The following SFMBT1 variants were observed in gnomAD, a reference collection of about 807,000 sequenced individuals.
The protein encoded by SFMBT1 is scm-like with four MBT domains protein 1.
Under a neutral mutation model 108.7 loss-of-function variants are expected in SFMBT1, and 32 were observed. The ratio of observed to expected loss-of-function variants is 0.29; its 90% CI spans 0.22 to 0.40. The LOEUF (loss-of-function observed/expected upper bound fraction) is 0.40, where lower values mean the gene tolerates loss of function less well. SFMBT1 is among the 10% of genes least tolerant of loss of function. The probability of loss-of-function intolerance (pLI) is 1.00; values close to 1 mark genes in which losing one functional copy is unlikely to be tolerated. For synonymous variants in SFMBT1, 348 were observed against 369.5 expected, an observed-to-expected ratio of 0.94 and a Z score of 0.67; for missense variants, 816 against 1,059.6, an observed-to-expected ratio of 0.77 and a Z score of 3.19.
chr3:52,941,624 G>C (rs1383199743), intron 4 of SFMBT1, among the ~76,000 whole-genome samples: 2 of 124,424 alleles, frequency 1.6e-5, no homozygotes, highest in African/African-American at 5.8e-5. Flanking sequence ...AAAAGTTATT[G>C]GGCCAGGTGT....
rs1212154457 is a variant in SFMBT1 at position 53,003,406 on chromosome 3, T to C, written c.-130-34148A>G. Among the ~76,000 whole-genome samples the C allele has an allele frequency of 4.0e-5, 6 of 150,064 alleles. 1 individual carries two copies. Among genetic ancestry groups the C allele is most frequent in the Non-Finnish European group, 7.5e-5 (5 of 67,020 alleles). ...ACTGAATTATTTATGAAATAATACT[T>C]GAGATTTGCTATAAAACAGTGCAAT... On this transcript the variant is annotated intron_variant, in intron 1 of 20. Transcript: ENST00000394752.
At position 53,000,080 on chromosome 3, in the gene SFMBT1, T is replaced by C. The variant is rs937772067; in HGVS notation, c.-130-30822A>G. On this transcript the variant is annotated intron_variant, in intron 1 of 20. Transcript: ENST00000394752. Reference sequence around the variant, plus strand: ...GGTTTCACCGTGTTAGCCAGGATGGTCTTGATTTCCTGACCTCGTGATCCG... The same window carrying C: ...GGTTTCACCGTGTTAGCCAGGATGGCCTTGATTTCCTGACCTCGTGATCCG... Among the ~76,000 whole-genome samples the C allele has an allele frequency of 1.1e-4, 17 of 149,988 alleles. 2 individuals carry two copies. Among genetic ancestry groups the C allele is most frequent in the Non-Finnish European group, 9.0e-5 (6 of 66,928 alleles).
intron 1 of SFMBT1, among the ~76,000 whole-genome samples, chr3:52,990,175 T>C (rs1559539904): frequency 6.6e-6 from 1 of 152,166 alleles, no homozygotes; most frequent in Non-Finnish European, 1.5e-5. Flanking sequence ...ATCATAAAGG[T>C]AAAAATAACT....
rs1031741535 is a variant in SFMBT1, at chr3:52,920,552, G to C, written c.1357C>G (p.Pro453Ala). 5 of 1,613,016 alleles carry C rather than the reference G, an allele frequency of 3.1e-6. No individual in the cohort carries two copies. The highest frequency in any genetic ancestry group is 2.5e-6 in the Non-Finnish European group (3 of 1,179,450). The change falls in exon 12 of 21, where the codon CCT (proline) becomes GCT (alanine). Residue 453 changes from proline (P) to alanine (A), a missense_variant. Around this residue, in one of 5 missense-constraint regions of SFMBT1, gnomAD observed 495 missense variants for 607.4 expected, o/e 0.81. Transcript: ENST00000394752. ...AGACAGATACCTCGTGCTCGGCGAG[G>C]AGTGCTGAGGGGGTGGCCGTTGGTT... ...CETNGHPLSTPRRARVYKQRK... is the reference protein window; with the variant it reads ...CETNGHPLSTARRARVYKQRK...
At chr3:52,910,876 A>C (rs1425242429) in intron 17 of SFMBT1, 127 bp downstream of exon 17, 1 of 717,912 alleles carries the variant, frequency 1.4e-6, no homozygotes, top group African/African-American at 1.8e-5. Context: ...AATATTTATC[A>C]TCTGGCCCTT....
At chr3:52,940,486 T>C (rs1055587431) in intron 4 of SFMBT1, among the ~76,000 whole-genome samples, 3 of 152,188 alleles carry the variant, frequency 2.0e-5, no homozygotes, top group Admixed American at 2.0e-4. Flanking sequence ...TAAAGGATTA[T>C]AACCCATTAA....
chr3:52,996,158 T>C (rs1698322959), intron 1 of SFMBT1, among the ~76,000 whole-genome samples: 1 of 145,884 alleles, frequency 6.9e-6, no homozygotes, highest in Non-Finnish European at 1.5e-5. Flanking sequence ...TTGCAAAACA[T>C]ATACCTAATA....
rs745579761 is a variant in SFMBT1, at chr3:52,913,632, A to C, written c.1481-15T>G. On this transcript the variant is annotated splice_polypyrimidine_tract_variant and intron_variant, in intron 14 of 20. Transcript: ENST00000394752. Reference sequence around the variant, plus strand: ...ATTAATCATAACTGGGAAATGAAGAAAAACAAATATTCAAAACAGTCATTC... The same window carrying C: ...ATTAATCATAACTGGGAAATGAAGACAAACAAATATTCAAAACAGTCATTC... The C allele has an allele frequency of 2.5e-6, 4 of 1,612,162 alleles. No individual in the cohort carries two copies. The South Asian group carries it at 3.3e-5, about 13-fold the overall frequency.
chr3:53,044,323 G>A (rs555022496), intron 1 of SFMBT1, among the ~76,000 whole-genome samples: 1 of 152,288 alleles, frequency 6.6e-6, no homozygotes, highest in African/African-American at 2.4e-5. Context: ...TTATCTTAAT[G>A]TTGCAAATAA....
chr3:52,992,030 G>A (rs986997785), intron 1 of SFMBT1, among the ~76,000 whole-genome samples: 4 of 138,892 alleles, frequency 2.9e-5, no homozygotes, highest in South Asian at 2.5e-4. Flanking sequence ...AAACTCCCAC[G>A]ACTACCTTCT....
intron 4 of SFMBT1, among the ~76,000 whole-genome samples, chr3:52,938,392 T>C (rs191201397): frequency 1.3e-5 from 2 of 152,290 alleles, no homozygotes; most frequent in East Asian, 3.9e-4. Flanking sequence ...ACACATATAG[T>C]TTCTCTTTCT....
chr3:52,913,701 G>GA, intron 14 of SFMBT1, 84 bp from the exon 15 acceptor site: 1 of 1,409,884 alleles, frequency 7.1e-7, no homozygotes, highest in Non-Finnish European at 9.7e-7. Flanking sequence ...GAAGAAAAAC[G>GA]AAGCACATGT....
intron 1 of SFMBT1, among the ~76,000 whole-genome samples, chr3:52,973,929 G>T (rs955963028): frequency 6.6e-6 from 1 of 152,206 alleles, no homozygotes; most frequent in East Asian, 1.9e-4. Context: ...CCTAGTAGTA[G>T]TAACCTGGCT....
rs182691719 is a variant in SFMBT1, at chr3:52,999,094, G to A, written c.-130-29836C>T. On this transcript the variant is annotated intron_variant, in intron 1 of 20. Transcript: ENST00000394752. ...GACATGCTCTTCACCCAAGGCCTGC[G>A]CCGGCGTCTGCTGATCAAGGGCCCA... 4.3e-4 allele frequency among the ~76,000 whole-genome samples: 65 copies of A among 150,944 alleles called. 3 individuals are homozygous for A. The highest frequency in any genetic ancestry group is 3.4e-3 in the Middle Eastern group (1 of 292).
chr3:52,962,329 T>C (rs1483942451), intron 2 of SFMBT1, among the ~76,000 whole-genome samples: 1 of 152,212 alleles, frequency 6.6e-6, no homozygotes, highest in Non-Finnish European at 1.5e-5. Flanking sequence ...AGACTGGAAA[T>C]AACCCTGACG....
intron 8 of SFMBT1, among the ~76,000 whole-genome samples, chr3:52,929,365 G>A (rs1702788362): frequency 6.6e-6 from 1 of 151,996 alleles, no homozygotes; most frequent in Non-Finnish European, 1.5e-5. Context: ...TCAGCCTCCC[G>A]AGCAGCTGGG....
chr3:52,923,213 T>G lies in SFMBT1; in HGVS notation c.1132-1382A>C, dbSNP rs80116861. On this transcript the variant is annotated intron_variant, in intron 10 of 20. Transcript: ENST00000394752. ...GAAAACTTCCCAAAAGGTGTGTGTG[T>G]GGGGGGTGGATTAATTAACAGCCTC... Among the ~76,000 whole-genome samples the G allele has an allele frequency of 0.012, 1,821 of 152,104 alleles. 124 individuals carry two copies. The East Asian group carries it at 0.18, about 15-fold the overall frequency.
At chr3:53,026,362 T>C (rs1699490247) in intron 1 of SFMBT1, among the ~76,000 whole-genome samples, 1 of 152,206 alleles carries the variant, frequency 6.6e-6, no homozygotes, top group Non-Finnish European at 1.5e-5. Context: ...AATAAAAATA[T>C]TTTATTGTAC....
chr3:52,960,019 A>T (rs1357238165), intron 2 of SFMBT1, among the ~76,000 whole-genome samples: 1 of 152,026 alleles, frequency 6.6e-6, no homozygotes, highest in African/African-American at 2.4e-5. Flanking sequence ...AGCATTTGTA[A>T]TATCAACAAA....
Sources: gnomAD v4.1 joint callset for allele counts (sites outside exome capture counted in the v4.1 genomes callset) on GRCh38, gnomAD v4.1.1 for gene constraint, gnomAD v4.1.1 regional missense constraint, MANE v1.5 for transcripts, NCBI Gene and HGNC (gene_info 2026-07-23, HGNC 2026-07-21) for gene names.